KCNMA1: variants seen among roughly 807,000 people sequenced by gnomAD.
KCNMA1 encodes potassium calcium-activated channel subfamily M alpha 1, also known as Calcium-activated potassium channel subunit alpha-1.
Under a neutral mutation model 140.0 loss-of-function variants are expected in KCNMA1, and 29 were observed. The observed-to-expected ratio is 0.21, with a 90% CI of 0.15 to 0.28. The LOEUF (loss-of-function observed/expected upper bound fraction) is 0.28, where lower values mean the gene tolerates loss of function less well. Ranked by LOEUF, KCNMA1 falls within the 10% of genes least tolerant of loss-of-function variation. The pLI is 1.00. For synonymous variants in KCNMA1, 612 were observed against 611.9 expected (o/e 1.00, Z 0.00); for missense variants, 880 against 1,602.2 (o/e 0.55, Z 7.70).
intron 1 of KCNMA1, among the ~76,000 whole-genome samples, chr10:77,468,219 G>A (rs2098075996): frequency 6.6e-6 from 1 of 152,144 alleles, no homozygotes; most frequent in Non-Finnish European, 1.5e-5. Flanking sequence ...TGTGGGCCGG[G>A]CTGGTCTCGA....
At position 77,506,571 on chromosome 10, in the gene KCNMA1, TAGAG is replaced by T. The variant is rs72516981; in HGVS notation, c.379-102552_379-102549del. On this transcript the variant is annotated intron_variant, in intron 1 of 27. Coordinates refer to ENST00000286628, the MANE Select transcript of KCNMA1 (RefSeq NM_001161352.2). ...GGAGAGAGGGAAAGAGAGATGTTCC[TAGAG>T]AGAGAGAGAGAGAGAGAGAGAGTGT... Among the ~76,000 whole-genome samples, 417 of 78,076 alleles carry T rather than the reference TAGAG, an allele frequency of 5.3e-3. 6 individuals are homozygous for T. Among genetic ancestry groups the T allele is most frequent in the South Asian group, 7.0e-3 (16 of 2,284 alleles). 51.2% of individuals were successfully genotyped at this position (78,076 alleles called of 152,430 possible).
intron 16 of KCNMA1, among the ~76,000 whole-genome samples, chr10:77,022,535 G>T (rs1042189862): frequency 6.6e-6 from 1 of 152,036 alleles, no homozygotes; most frequent in African/African-American, 2.4e-5. Context: ...CTTATTCTTT[G>T]TTTACTCACC....
chr10:77,005,876 G>C (rs958259814), intron 18 of KCNMA1, among the ~76,000 whole-genome samples: 1 of 152,192 alleles, frequency 6.6e-6, no homozygotes, highest in African/African-American at 2.4e-5. Flanking sequence ...AAAACAAAAA[G>C]GCTTCTCAGA....
intron 2 of KCNMA1, among the ~76,000 whole-genome samples, chr10:77,294,173 G>A (rs16934472): frequency 0.12 from 17,630 of 152,274 alleles, 1,549 homozygotes; most frequent in African/African-American, 0.24. Flanking sequence ...GAATAGCTTG[G>A]AATATGATGT....
chr10:76,954,277 A>ACT (rs2067341839), intron 20 of KCNMA1, among the ~76,000 whole-genome samples: 1 of 142,296 alleles, frequency 7.0e-6, no homozygotes, highest in African/African-American at 2.5e-5. Context: ...GTGCACACAC[A>ACT]CACACACACA....
chr10:77,124,617 G>A (rs2097694360), intron 5 of KCNMA1, among the ~76,000 whole-genome samples: 2 of 152,186 alleles, frequency 1.3e-5, no homozygotes, highest in East Asian at 1.9e-4. Context: ...CAAGACCCCT[G>A]TGGGCTGAAC....
intron 2 of KCNMA1, among the ~76,000 whole-genome samples, chr10:77,298,832 T>G (rs1370030965): frequency 6.6e-6 from 1 of 152,144 alleles, no homozygotes; most frequent in Non-Finnish European, 1.5e-5. Context: ...TGGCTCCCAT[T>G]GTGTGCAGGG....
At chr10:77,153,681 A>T (rs115277723) in intron 5 of KCNMA1, among the ~76,000 whole-genome samples, 1,816 of 152,168 alleles carry the variant, frequency 0.012, 39 homozygotes, top group African/African-American at 0.042. Flanking sequence ...TTTTTAATGA[A>T]CCCAAACCCA....
intron 16 of KCNMA1, chr10:77,020,726 A>G (rs181250741): frequency 9.6e-4 from 146 of 152,324 alleles, no homozygotes; most frequent in African/African-American, 3.3e-3. Flanking sequence ...TTCAAAGCCA[A>G]TTCAGTATGA....
intron 3 of KCNMA1, chr10:77,250,266 C>G (rs501254): frequency 0.45 from 67,710 of 152,008 alleles, 15,405 homozygotes; most frequent in East Asian, 0.58. Flanking sequence ...GTTTAAAGTT[C>G]AAAACACTCA....
At chr10:77,147,593 T>C (rs541401204) in intron 5 of KCNMA1, 31 of 152,222 alleles carry the variant, frequency 2.0e-4, no homozygotes, top group African/African-American at 6.8e-4. Flanking sequence ...CAGAACCCCA[T>C]GCAGGACATT....
chr10:77,037,912 C>G (rs1247755), intron 15 of KCNMA1, among the ~76,000 whole-genome samples: 106,533 of 151,994 alleles, frequency 0.7, 37,323 homozygotes, highest in East Asian at 0.82. Context: ...CCTCTGAATG[C>G]TTAACTCCTC....
At chr10:77,594,488 G>A (rs974657533) in intron 1 of KCNMA1, among the ~76,000 whole-genome samples, 4 of 152,160 alleles carry the variant, frequency 2.6e-5, no homozygotes, top group African/African-American at 7.2e-5. Context: ...CCTACCATTT[G>A]TGTCCCTACC....
intron 2 of KCNMA1, among the ~76,000 whole-genome samples, chr10:77,371,118 A>G (rs942274421): frequency 6.6e-6 from 1 of 152,160 alleles, no homozygotes; most frequent in Non-Finnish European, 1.5e-5. Flanking sequence ...CAGGAAAACA[A>G]ACCAAATTCA....
intron 25 of KCNMA1, among the ~76,000 whole-genome samples, chr10:76,892,429 G>A (rs1441382255): frequency 6.6e-6 from 1 of 152,100 alleles, no homozygotes; most frequent in Admixed American, 6.5e-5. Flanking sequence ...ACAAAAGAAT[G>A]GGAGTTTAAA....
intron 2 of KCNMA1, among the ~76,000 whole-genome samples, chr10:77,342,369 T>C (rs2091138562): frequency 6.6e-6 from 1 of 152,226 alleles, no homozygotes; most frequent in African/African-American, 2.4e-5. Context: ...CTACTATCAT[T>C]GTCCCCATTT....
Position 77,041,253 on chromosome 10 carries a change from C to T in KCNMA1, c.1750-1616G>A, listed in dbSNP as rs377424813. On this transcript the variant is annotated intron_variant, in intron 14 of 27. Coordinates refer to ENST00000286628, the MANE Select transcript of KCNMA1 (RefSeq NM_001161352.2). ...GATCTCGGCTCACTGCAAGCTCCGC[C>T]TCCCAGGTTCACGCCATTCTCCTGC... 5.2e-4 allele frequency among the ~76,000 whole-genome samples: 2 copies of T among 3,820 alleles called. 1 individual carries two copies. The highest frequency in any genetic ancestry group is 8.4e-3 in the South Asian group (2 of 238). 2.5% of individuals were successfully genotyped at this position (3,820 alleles called of 152,430 possible).
At position 77,637,439 on chromosome 10, in the gene KCNMA1, C is replaced by A. The variant is rs536794601; in HGVS notation, c.204G>T (p.Ala68=). The change falls in exon 1 of 28, where the codon GCG becomes GCT. Residue 68 remains alanine, a synonymous_variant. Coordinates refer to ENST00000286628, the MANE Select transcript of KCNMA1 (RefSeq NM_001161352.2). ...CCTCCATGGTCACCGGGATGATGAG[C>A]GCATCCATCTTGGGCTCGTGGACCG... The part of the protein sequence containing the change: ...SSSVHEPKMD[A]LIIPVTMEVP... 8.7e-6 allele frequency: 14 copies of A among 1,613,370 alleles called. No homozygotes were observed. The East Asian group carries it at 2.9e-4, about 33-fold the overall frequency.
chr10:76,918,939 CACACACACAT>C (rs1192870452), intron 23 of KCNMA1, among the ~76,000 whole-genome samples: 4 of 150,400 alleles, frequency 2.7e-5, no homozygotes, highest in South Asian at 4.2e-4. Context: ...CACACACACA[CACACACACAT>C]ATATATGTGA....
Sources: gnomAD v4.1 joint callset for allele counts (sites outside exome capture counted in the v4.1 genomes callset) on GRCh38, gnomAD v4.1.1 for gene constraint, MANE v1.5 for transcripts, NCBI Gene and HGNC (gene_info 2026-07-23, HGNC 2026-07-21) for gene names.